Variants in CD1C observed in about 807,000 individuals in gnomAD.
The protein encoded by CD1C is T-cell surface glycoprotein CD1c.
A neutral mutation model predicts 39.4 loss-of-function variants in CD1C; 47 were observed. The observed-to-expected ratio is 1.19, with a 90% CI of 0.94 to 1.52. CD1C has a LOEUF of 1.52. CD1C is among the 40% of genes most tolerant of loss of function. CD1C has a pLI of 0.00. For missense variants in CD1C, 417 were observed against 395.2 expected, an observed-to-expected ratio of 1.06 and a Z score of -0.47; for synonymous variants, 165 against 150.8, an observed-to-expected ratio of 1.09 and a Z score of -0.69.
In CD1C at chr1:158,291,369, T is replaced by G. The variant is rs746822142; in HGVS notation, c.297T>G (p.Ile99Met). The change falls in exon 2 of 6, where the codon ATT (isoleucine) becomes ATG (methionine). Residue 99 changes from isoleucine (I) to methionine (M), a missense_variant. Ile to Met is a conservative substitution (Grantham distance 10). Transcript: ENST00000368170. ...ACCTCTTTGGATTAACTCGGGAGATTCAAGACCATGCAAGTCAAGATTACT... is the reference window on the plus strand; with the variant it reads ...ACCTCTTTGGATTAACTCGGGAGATGCAAGACCATGCAAGTCAAGATTACT... ...RFYLFGLTRE[I>M]QDHASQDYSK... is the part of the protein sequence containing the mutation. 1 of 1,614,140 alleles carries G rather than the reference T, an allele frequency of 6.2e-7. No individual in the cohort carries two copies. Among genetic ancestry groups the G allele is most frequent in the South Asian group, 1.1e-5 (1 of 91,082 alleles).
chr1:158,289,952 T>G lies in CD1C; in HGVS notation c.-113T>G. ...CTTCTTAGTTGCTGTCAGCGGCTGATGGGGAAGATTGTTGGTAGAAGGAAG... is the reference window on the plus strand; with the variant it reads ...CTTCTTAGTTGCTGTCAGCGGCTGAGGGGGAAGATTGTTGGTAGAAGGAAG... On this transcript the variant is annotated 5_prime_UTR_variant, in exon 1 of 6. An upstream start codon of the reference 5' UTR is lost. Coordinates refer to ENST00000368170, the MANE Select transcript of CD1C (RefSeq NM_001765.3). 1 of 891,212 alleles carries G rather than the reference T, an allele frequency of 1.1e-6. No homozygotes were observed. The highest frequency in any genetic ancestry group is 1.8e-6 in the Non-Finnish European group (1 of 558,362). The allele number at this position is 891,212 out of a possible 1,614,324, so 55.2% of individuals were successfully genotyped here. A position where few individuals can be genotyped will look rare whatever the true frequency, so the allele number is the denominator to read the frequency against.
intron 1 of CD1C, 85 bp from the exon 2 acceptor site, chr1:158,291,049 T>A: frequency 7.3e-7 from 1 of 1,376,616 alleles, no homozygotes; most frequent in Non-Finnish European, 9.9e-7. Context: ...CTGTGGTAAC[T>A]GGTTCACCTT....
At chr1:158,293,376 C>G in intron 5 of CD1C, 74 bp downstream of exon 5, 1 of 1,590,682 alleles carries the variant, frequency 6.3e-7, no homozygotes, top group Non-Finnish European at 8.6e-7. Context: ...CTTAGCTTTT[C>G]TCTATTGACT....
rs139020586 is a variant in CD1C at position 158,292,779 on chromosome 1, A to G, written c.794A>G (p.Gln265Arg). ...LPNADGTWYL[Q>R]VILEVASEEP... ...AATGCTGATGGGACATGGTATCTTC[A>G]GGTGATCCTGGAGGTGGCATCTGAG... The change falls in exon 4 of 6, where the codon CAG (glutamine) becomes CGG (arginine). Residue 265 changes from glutamine to arginine, a missense_variant. By Grantham distance (43) the Gln-to-Arg change is conservative. Transcript: ENST00000368170. 5.0e-6 allele frequency: 8 copies of G among 1,614,204 alleles called. No homozygotes were observed. In the African/African-American group the frequency reaches 1.1e-4, roughly 22 times the overall value.
rs1184048669 is a variant in CD1C at position 158,294,220 on chromosome 1, G to A, written c.*744G>A. On this transcript the variant is annotated 3_prime_UTR_variant, in exon 6 of 6. Coordinates refer to ENST00000368170, the MANE Select transcript of CD1C (RefSeq NM_001765.3). ...AGGAACAAGAGATTTGGTCCTCAGGGTTGGAGTGGGATCAAGGCAACCGTT... is the reference window on the plus strand; with the variant it reads ...AGGAACAAGAGATTTGGTCCTCAGGATTGGAGTGGGATCAAGGCAACCGTT... Among the ~76,000 whole-genome samples the A allele has an allele frequency of 1.3e-5, 2 of 152,238 alleles. No homozygotes were observed. Among genetic ancestry groups the A allele is most frequent in the East Asian group, 3.8e-4 (2 of 5,200 alleles).
Position 158,292,850 on chromosome 1 carries a change from G to A in CD1C, c.865G>A (p.Gly289Ser). 6.2e-7 allele frequency: 1 copy of A among 1,614,142 alleles called. No homozygotes were observed. The highest frequency in any genetic ancestry group is 8.5e-7 in the Non-Finnish European group (1 of 1,180,010). ...TCGAGTGAGACACAGCAGTCTAGGA[G>A]GCCAGGACATCATCCTCTACTGGGG... is the stretch of plus-strand genomic sequence containing the variant. ...SCRVRHSSLG[G>S]QDIILYWGHH... The change falls in exon 4 of 6, where the codon GGC becomes AGC. Residue 289 changes from glycine (G) to serine (S), a missense_variant. Coordinates refer to ENST00000368170, the MANE Select transcript of CD1C (RefSeq NM_001765.3).
intron 1 of CD1C, among the ~76,000 whole-genome samples, chr1:158,290,881 T>C (rs1408503377): frequency 6.6e-6 from 1 of 152,184 alleles, no homozygotes; most frequent in Non-Finnish European, 1.5e-5. Context: ...GGGTTGAGCA[T>C]GATGGGCTTT....
At chr1:158,292,030 T>G (rs1042679049) in intron 2 of CD1C, 54 bp from the exon 3 acceptor site, 102 of 1,544,136 alleles carry the variant, frequency 6.6e-5, no homozygotes, top group Non-Finnish European at 8.0e-5. Flanking sequence ...GTTTTTATAC[T>G]GTTGTTTTCA....
chr1:158,292,045 T>C (rs1363053178), intron 2 of CD1C, 39 bp from the exon 3 acceptor site: 1 of 1,572,806 alleles, frequency 6.4e-7, no homozygotes, highest in Non-Finnish European at 8.6e-7. Context: ...TTTTCACTTT[T>C]TTGTTTGAAC....
chr1:158,292,466 G>T, intron 3 of CD1C, 101 bp downstream of exon 3: 1 of 1,489,214 alleles, frequency 6.7e-7, no homozygotes, highest in South Asian at 1.3e-5. Context: ...ACAAGAAGCA[G>T]GGGGGTTGCT....
rs764437870 is a variant in CD1C, at chr1:158,293,315, T to C, written c.980+13T>C. 6.2e-7 allele frequency: 1 copy of C among 1,606,424 alleles called. No individual in the cohort carries two copies. Among genetic ancestry groups the C allele is most frequent in the Non-Finnish European group, 8.5e-7 (1 of 1,173,956 alleles). On this transcript the variant is annotated intron_variant, in intron 5 of 5. Coordinates refer to ENST00000368170, the MANE Select transcript of CD1C (RefSeq NM_001765.3). ...TTAAGAAGCACTGGTGAGTTTTTTGTATTTCCTCCTCTCCTCCCAGTTTCT... is the reference window on the plus strand; with the variant it reads ...TTAAGAAGCACTGGTGAGTTTTTTGCATTTCCTCCTCTCCTCCCAGTTTCT...
In CD1C at chr1:158,293,655, T is replaced by A; in HGVS notation, c.*179T>A. On this transcript the variant is annotated 3_prime_UTR_variant, in exon 6 of 6. Transcript: ENST00000368170. ...ATGTTTTTCTTGGAATCTCCACTTT[T>A]TATATAGCACTCAACCTTCAAAGCC... The A allele has an allele frequency of 6.9e-7, 1 of 1,442,082 alleles. No individual in the cohort carries two copies. Among genetic ancestry groups the A allele is most frequent in the Middle Eastern group, 1.7e-4 (1 of 5,744 alleles). 89.3% of individuals were successfully genotyped at this position (1,442,082 alleles called of 1,614,324 possible).
rs761591081 is a variant in CD1C at position 158,292,612 on chromosome 1, G to C, written c.627G>C (p.Trp209Cys). The change falls in exon 4 of 6, where the codon TGG (tryptophan) becomes TGC (cysteine). Residue 209 changes from tryptophan (W) to cysteine (C), a missense_variant. By Grantham distance (215) the Trp-to-Cys change is radical. Coordinates refer to ENST00000368170, the MANE Select transcript of CD1C (RefSeq NM_001765.3). Reference protein sequence around the residue: ...YVHRQVRPEAWLSSRPSLGSG... With the variant: ...YVHRQVRPEACLSSRPSLGSG... Reference sequence around the variant, plus strand: ...TCTCTGCAGTGAGGCCAGAAGCCTGGCTGTCCAGTCGCCCCAGCCTTGGGT... The same window carrying C: ...TCTCTGCAGTGAGGCCAGAAGCCTGCCTGTCCAGTCGCCCCAGCCTTGGGT... The C allele has an allele frequency of 6.2e-7, 1 of 1,612,718 alleles. No individual in the cohort carries two copies. The highest frequency in any genetic ancestry group is 1.1e-5 in the South Asian group (1 of 91,014).
chr1:158,292,954 A>G, intron 4 of CD1C, 80 bp downstream of exon 4: 1 of 1,403,444 alleles, frequency 7.1e-7, no homozygotes. Flanking sequence ...AGGATAGCAG[A>G]CCTAGGTGAG....
chr1:158,290,955 A>G (rs1352862769), intron 1 of CD1C, among the ~76,000 whole-genome samples, 179 bp from the exon 2 acceptor site: 1 of 152,136 alleles, frequency 6.6e-6, no homozygotes, highest in Non-Finnish European at 1.5e-5. Flanking sequence ...CTCCAGGTCC[A>G]GTTTACTCTT....
At position 158,292,159 on chromosome 1, in the gene CD1C, C is replaced by T. The variant is rs1280903400; in HGVS notation, c.404C>T (p.Ala135Val). 28 of 1,614,024 alleles carry T rather than the reference C, an allele frequency of 1.7e-5. No homozygotes were observed. Among genetic ancestry groups the T allele is most frequent in the Non-Finnish European group, 2.4e-5 (28 of 1,180,034 alleles). ...AGCCCAGAAGGCTTCTTTCAGGTAG[C>T]TTTCAACGGATTAGATTTACTGAGT... The part of the protein sequence containing the change: ...GKSPEGFFQV[A>V]FNGLDLLSFQ... The change falls in exon 3 of 6, where the codon GCT becomes GTT. Residue 135 changes from alanine to valine, a missense_variant. Transcript: ENST00000368170.
chr1:158,293,218 A>T lies in CD1C; in HGVS notation c.896A>T (p.His299Leu). ...ATCTTTCCAATATGTGCAGGACACC[A>T]CTTTTCCATGAATTGGATTGCCTTG... is the stretch of plus-strand genomic sequence containing the variant. ...GQDIILYWGH[H>L]FSMNWIALVV... The change falls in exon 5 of 6, where the codon CAC becomes CTC. Residue 299 changes from histidine (H) to leucine (L), a missense_variant. Transcript: ENST00000368170. 6.2e-7 allele frequency: 1 copy of T among 1,612,862 alleles called. No individual in the cohort carries two copies. The highest frequency in any genetic ancestry group is 8.5e-7 in the Non-Finnish European group (1 of 1,178,928).
Position 158,290,104 on chromosome 1 carries a change from C to T in CD1C, c.40C>T (p.Pro14Ser), listed in dbSNP as rs909714450. 1.2e-6 allele frequency: 2 copies of T among 1,613,792 alleles called. No individual in the cohort carries two copies. Among genetic ancestry groups the T allele is most frequent in the East Asian group, 2.2e-5 (1 of 44,868 alleles). ...LQFLLLALLL[P>S]GGDNADASQE... ...GTTTCTGCTGCTAGCTCTTCTTCTC[C>T]CAGGTGGTGACAATGCAGACGGTAA... The change falls in exon 1 of 6, where the codon CCA (proline) becomes TCA (serine). Residue 14 changes from proline to serine, a missense_variant. Transcript: ENST00000368170.
chr1:158,292,013 G>T, intron 2 of CD1C, 71 bp from the exon 3 acceptor site: 1 of 1,459,322 alleles, frequency 6.9e-7, no homozygotes, highest in Non-Finnish European at 9.3e-7. Flanking sequence ...TCCTGATACA[G>T]CCCTAGGTTT....
Sources: allele counts gnomAD v4.1 joint callset (sites outside exome capture counted in the v4.1 genomes callset), GRCh38; gene constraint gnomAD v4.1.1; transcripts MANE v1.5; gene names NCBI Gene and HGNC (gene_info 2026-07-23, HGNC 2026-07-21).